Variants in CAMK1D observed in about 807,000 individuals in gnomAD.
CAMK1D encodes calcium/calmodulin-dependent protein kinase type 1D.
Under a neutral mutation model 47.7 loss-of-function variants are expected in CAMK1D, and 9 were observed. The observed-to-expected ratio is 0.19, with a 90% CI of 0.11 to 0.33. The LOEUF (loss-of-function observed/expected upper bound fraction) is 0.33, where lower values mean the gene tolerates loss of function less well. CAMK1D is among the 10% of genes least tolerant of loss of function. The pLI is 1.00. For missense variants in CAMK1D, 291 were observed against 488.7 expected (o/e 0.60, Z 3.81); for synonymous variants, 184 against 184.9 (o/e 0.99, Z 0.04).
intron 6 of CAMK1D, among the ~76,000 whole-genome samples, chr10:12,807,195 C>T (rs897615689): frequency 5.9e-5 from 9 of 152,152 alleles, no homozygotes; most frequent in African/African-American, 1.4e-4. Flanking sequence ...CAGCTCTGCC[C>T]GGCATGAAAG....
chr10:12,364,500 C>T (rs1017320162), intron 1 of CAMK1D, among the ~76,000 whole-genome samples: 1 of 151,994 alleles, frequency 6.6e-6, no homozygotes, highest in Admixed American at 6.6e-5. Context: ...ACCTAGGCCT[C>T]CCGAAGTACT....
In CAMK1D at chr10:12,406,047, A is replaced by C. The variant is rs116941558; in HGVS notation, c.92+56137A>C. On this transcript the variant is annotated intron_variant, in intron 1 of 10. Coordinates refer to ENST00000619168, the MANE Select transcript of CAMK1D (RefSeq NM_153498.4). The stretch of plus-strand genomic sequence containing the variant: ...ACACTCAGCATTTCTTGTCGCGTGT[A>C]GGATTGAATGGGTGCATCAATCAAA... 2.7e-4 allele frequency among the ~76,000 whole-genome samples: 41 copies of C among 152,314 alleles called. No homozygotes were observed. The East Asian group carries it at 5.8e-3, about 22-fold the overall frequency.
intron 1 of CAMK1D, among the ~76,000 whole-genome samples, chr10:12,523,173 T>G (rs930127449): frequency 3.4e-5 from 5 of 148,300 alleles, no homozygotes; most frequent in African/African-American, 1.3e-4. Flanking sequence ...GAGGCGCTCC[T>G]CACATCCCAG....
intron 3 of CAMK1D, among the ~76,000 whole-genome samples, chr10:12,705,915 A>G (rs1833712843): frequency 6.6e-6 from 1 of 152,240 alleles, no homozygotes; most frequent in African/African-American, 2.4e-5. Context: ...GCAGTACTTG[A>G]ACATCTTCAT....
At chr10:12,762,132 A>G (rs1032241705) in intron 4 of CAMK1D, among the ~76,000 whole-genome samples, 3 of 152,202 alleles carry the variant, frequency 2.0e-5, no homozygotes, top group African/African-American at 7.2e-5. Context: ...CTTGAGAAAC[A>G]GTAGAAAGCA....
chr10:12,404,786 G>T, intron 1 of CAMK1D, among the ~76,000 whole-genome samples: 1 of 151,232 alleles, frequency 6.6e-6, no homozygotes, highest in Non-Finnish European at 1.5e-5. Flanking sequence ...CCTCTGCCTC[G>T]TGGGTGATTC....
intron 1 of CAMK1D, among the ~76,000 whole-genome samples, chr10:12,531,670 G>A (rs537128744): frequency 3.3e-5 from 5 of 152,334 alleles, no homozygotes; most frequent in South Asian, 2.1e-4. Context: ...TAACTTGCGT[G>A]CTCCAATGAG....
At position 12,630,025 on chromosome 10, in the gene CAMK1D, A is replaced by T. The variant is rs534289899; in HGVS notation, c.225-36711A>T. Among the ~76,000 whole-genome samples, 6 of 152,300 alleles carry T rather than the reference A, an allele frequency of 3.9e-5. No homozygotes were observed. In the South Asian group the frequency reaches 1.2e-3, roughly 32 times the overall value. On this transcript the variant is annotated intron_variant, in intron 2 of 10. Transcript: ENST00000619168. ...AGGCTGAGGTCAGAAGGACAGTGGGACAGGGAGGCACCTGAGCCCCGTAGG... is the reference window on the plus strand; with the variant it reads ...AGGCTGAGGTCAGAAGGACAGTGGGTCAGGGAGGCACCTGAGCCCCGTAGG...
intron 1 of CAMK1D, among the ~76,000 whole-genome samples, chr10:12,413,496 T>C (rs796530314): frequency 1.6e-4 from 7 of 45,004 alleles, no homozygotes; most frequent in Admixed American, 4.4e-4. Context: ...ATGATGGCGA[T>C]GATGACAGTG....
At chr10:12,573,209 C>A (rs541613762) in intron 2 of CAMK1D, among the ~76,000 whole-genome samples, 1 of 152,332 alleles carries the variant, frequency 6.6e-6, no homozygotes, top group African/African-American at 2.4e-5. Flanking sequence ...AGCACTCAGG[C>A]CACAGGCCTG....
intron 2 of CAMK1D, among the ~76,000 whole-genome samples, chr10:12,629,029 T>G (rs1009025311): frequency 6.6e-6 from 1 of 152,222 alleles, no homozygotes; most frequent in Admixed American, 6.5e-5. Flanking sequence ...ACTGTGTTGC[T>G]TCCGGGTCTG....
At chr10:12,396,921 C>A (rs1037943442) in intron 1 of CAMK1D, among the ~76,000 whole-genome samples, 2 of 152,206 alleles carry the variant, frequency 1.3e-5, no homozygotes, top group South Asian at 4.1e-4. Context: ...TGATTTTATG[C>A]ACCATCTCTG....
chr10:12,574,433 C>A (rs992404187), intron 2 of CAMK1D, among the ~76,000 whole-genome samples: 10 of 143,244 alleles, frequency 7.0e-5, no homozygotes. Flanking sequence ...TCCTGAGTAG[C>A]TGGGATTACA....
intron 1 of CAMK1D, among the ~76,000 whole-genome samples, chr10:12,435,242 A>G (rs1037321846): frequency 2.0e-5 from 3 of 151,414 alleles, no homozygotes; most frequent in East Asian, 1.9e-4. Flanking sequence ...AAAAAAAAAA[A>G]AAAAGAAAAG....
chr10:12,482,642 A>C (rs1276156679), intron 1 of CAMK1D, among the ~76,000 whole-genome samples: 1 of 152,178 alleles, frequency 6.6e-6, no homozygotes, highest in Non-Finnish European at 1.5e-5. Context: ...ATATGCGTGT[A>C]TACGTGACAC....
At chr10:12,785,763 G>A (rs1447265578) in intron 5 of CAMK1D, among the ~76,000 whole-genome samples, 1 of 152,162 alleles carries the variant, frequency 6.6e-6, no homozygotes, top group Admixed American at 6.6e-5. Context: ...GAAAACTGGC[G>A]TCTGACAAGA....
rs570581216 is a variant in CAMK1D, at chr10:12,378,037, C to T, written c.92+28127C>T. Among the ~76,000 whole-genome samples the T allele has an allele frequency of 7.9e-5, 12 of 152,334 alleles. No homozygotes were observed. The South Asian group carries it at 8.3e-4, about 11-fold the overall frequency. ...TTCCAGAGAAAGCACCCCAGGCATG[C>T]GGCCCAGCTCACAGGCCACTTCACA... On this transcript the variant is annotated intron_variant, in intron 1 of 10. Coordinates refer to ENST00000619168, the MANE Select transcript of CAMK1D (RefSeq NM_153498.4).
chr10:12,404,076 G>A (rs1220631034), intron 1 of CAMK1D, among the ~76,000 whole-genome samples: 2 of 150,140 alleles, frequency 1.3e-5, no homozygotes, highest in East Asian at 1.9e-4. Flanking sequence ...ACTGAGTTTC[G>A]CTCTTGTTGC....
intron 3 of CAMK1D, among the ~76,000 whole-genome samples, chr10:12,707,984 G>A (rs1330286678): frequency 6.6e-6 from 1 of 152,152 alleles, no homozygotes; most frequent in Non-Finnish European, 1.5e-5. Flanking sequence ...GTAACCCTAC[G>A]TGGAATCCTA....
Sources: gnomAD v4.1 joint callset for allele counts (sites outside exome capture counted in the v4.1 genomes callset) on GRCh38, gnomAD v4.1.1 for gene constraint, MANE v1.5 for transcripts, NCBI Gene and HGNC (gene_info 2026-07-23, HGNC 2026-07-21) for gene names.